Variants in RBM27 observed in about 807,000 individuals in gnomAD.
RBM27 encodes RNA-binding protein 27.
A neutral mutation model predicts 135.3 loss-of-function variants in RBM27; 22 were observed. The observed-to-expected ratio is 0.16, with a 90% CI of 0.12 to 0.23. RBM27 has a LOEUF of 0.23. Among genes scored for constraint, RBM27 ranks in the 10% least tolerant of loss-of-function variants. RBM27 has a pLI of 1.00. For synonymous variants in RBM27, 481 were observed against 442.4 expected, an observed-to-expected ratio of 1.09 and a Z score of -1.10; for missense variants, 1,009 against 1,281.0, an observed-to-expected ratio of 0.79 and a Z score of 3.24.
At chr5:146,279,573 C>T (rs1180277101) in intron 19 of RBM27, among the ~76,000 whole-genome samples, 5 of 151,932 alleles carry the variant, frequency 3.3e-5, no homozygotes, top group Non-Finnish European at 7.4e-5. Flanking sequence ...TTTGGGAGGC[C>T]GAGGCGGGTG....
intron 8 of RBM27, among the ~76,000 whole-genome samples, chr5:146,240,724 T>A (rs1310102134): frequency 6.6e-6 from 1 of 152,222 alleles, no homozygotes; most frequent in East Asian, 1.9e-4. Context: ...TTTTAATATA[T>A]GTAAATCTTA....
chr5:146,220,495 T>C (rs377606109), intron 2 of RBM27, among the ~76,000 whole-genome samples: 1 of 146,126 alleles, frequency 6.8e-6, no homozygotes, highest in Admixed American at 6.9e-5. Flanking sequence ...AAAAAATATA[T>C]ATATATATAT....
rs551949609 is a variant in RBM27 at position 146,230,585 on chromosome 5, A to C, written c.590-72A>C. 1.7e-5 allele frequency: 25 copies of C among 1,476,852 alleles called. 1 individual carries two copies. The highest frequency in any genetic ancestry group is 2.2e-5 in the Non-Finnish European group (24 of 1,084,392). 91.5% of individuals were successfully genotyped at this position (1,476,852 alleles called of 1,614,324 possible). On this transcript the variant is annotated intron_variant, in intron 5 of 20. Coordinates refer to ENST00000265271, the MANE Select transcript of RBM27 (RefSeq NM_018989.2). ...ACATTCTCATGTTTTCTATGTGAGAAAATAAATATAGTTTAAGAACATGAA... is the reference window on the plus strand; with the variant it reads ...ACATTCTCATGTTTTCTATGTGAGACAATAAATATAGTTTAAGAACATGAA...
At chr5:146,284,263 A>G (rs1357209496) in intron 19 of RBM27, among the ~76,000 whole-genome samples, 6 of 152,182 alleles carry the variant, frequency 3.9e-5, no homozygotes, top group Non-Finnish European at 8.8e-5. Flanking sequence ...GTTTGAGTCT[A>G]TATATGTAGA....
At chr5:146,230,997 T>C in intron 6 of RBM27, 80 bp downstream of exon 6, 1 of 1,407,390 alleles carries the variant, frequency 7.1e-7, no homozygotes, top group Non-Finnish European at 9.8e-7. Flanking sequence ...TATCTTTTAG[T>C]TATAGTCCAG....
rs542836835 is a variant in RBM27 at position 146,236,956 on chromosome 5, G to A, written c.1145-342G>A. ...TTTTTTTTTTTTTTTTTTTTTTTTC[G>A]AGACAGAGTTTTGCTTTTGTTGCCC... On this transcript the variant is annotated intron_variant, in intron 7 of 20. Transcript: ENST00000265271. 4.6e-5 allele frequency among the ~76,000 whole-genome samples: 3 copies of A among 65,798 alleles called. No individual in the cohort carries two copies. The South Asian group carries it at 1.6e-3, about 34-fold the overall frequency. The allele number at this position is 65,798 out of a possible 152,430, so 43.2% of individuals were successfully genotyped here.
chr5:146,254,104 C>T (rs1260223078), intron 9 of RBM27, among the ~76,000 whole-genome samples: 2 of 152,088 alleles, frequency 1.3e-5, no homozygotes, highest in Non-Finnish European at 2.9e-5. Flanking sequence ...TGATGGATAA[C>T]AGAGGAAACT....
At chr5:146,259,504 C>CA (rs35438348) in intron 11 of RBM27, among the ~76,000 whole-genome samples, 2,370 of 60,858 alleles carry the variant, frequency 0.039, 39 homozygotes, top group African/African-American at 0.055. Context: ...AACTCTGTCT[C>CA]AAAAAAAAAA....
chr5:146,278,107 T>C (rs953069952), intron 19 of RBM27, among the ~76,000 whole-genome samples: 1 of 152,128 alleles, frequency 6.6e-6, no homozygotes, highest in East Asian at 1.9e-4. Flanking sequence ...TGGATGAGAG[T>C]ACCTATTTGC....
chr5:146,281,490 A>C (rs1270652734), intron 19 of RBM27, among the ~76,000 whole-genome samples: 2 of 152,234 alleles, frequency 1.3e-5, no homozygotes, highest in African/African-American at 4.8e-5. Flanking sequence ...CCACACTGGA[A>C]GAAGAATAAT....
intron 8 of RBM27, among the ~76,000 whole-genome samples, chr5:146,239,380 C>T (rs980493678): frequency 6.6e-5 from 10 of 151,674 alleles, no homozygotes; most frequent in Non-Finnish European, 1.5e-4. Flanking sequence ...CATGAAAGTT[C>T]CTTATGAGAA....
intron 8 of RBM27, among the ~76,000 whole-genome samples, chr5:146,240,458 C>T (rs1757360090): frequency 6.6e-6 from 1 of 152,046 alleles, no homozygotes; most frequent in South Asian, 2.1e-4. Context: ...TCCCAAGTAG[C>T]TGGGATTACA....
rs1757038459 is a variant in RBM27, at chr5:146,233,641, G to C, written c.1042G>C (p.Gly348Arg). The C allele has an allele frequency of 6.4e-7, 1 of 1,573,568 alleles. No homozygotes were observed. The highest frequency in any genetic ancestry group is 1.4e-5 in the African/African-American group (1 of 72,064). Reference sequence around the variant, plus strand: ...AGGCCCAGGCCCGGGCCCAGGTCCAGGCCCAGGCCCGGGCCCAGGTCCAGG... The same window carrying C: ...AGGCCCAGGCCCGGGCCCAGGTCCACGCCCAGGCCCGGGCCCAGGTCCAGG... The part of the protein sequence containing the change: ...GPGPGPGPGP[G>R]PGPGPGPGPG... Residue 348 changes from glycine to arginine, a missense_variant, in exon 7 of 21, where the codon GGC (glycine) becomes CGC (arginine). Gly to Arg is a moderately radical substitution (Grantham distance 125, BLOSUM62 -2). Coordinates refer to ENST00000265271, the MANE Select transcript of RBM27 (RefSeq NM_018989.2).
At chr5:146,224,235 A>G (rs1030238730) in intron 3 of RBM27, among the ~76,000 whole-genome samples, 2 of 152,174 alleles carry the variant, frequency 1.3e-5, no homozygotes, top group Non-Finnish European at 2.9e-5. Context: ...GAGATTATGT[A>G]TGTATGTGTG....
In RBM27 at chr5:146,287,127, G is replaced by GT. The variant is rs1212479070; in HGVS notation, c.*1098dup. On this transcript the variant is annotated 3_prime_UTR_variant, in exon 21 of 21. Coordinates refer to ENST00000265271, the MANE Select transcript of RBM27 (RefSeq NM_018989.2). ...ACCATGATGGTGAGGTGACTGGGGGGTGGGGGGTGGAGGTGGGAGGGGGTT... is the reference window on the plus strand; with the variant it reads ...ACCATGATGGTGAGGTGACTGGGGGGTTGGGGGGTGGAGGTGGGAGGGGGTT... 6.7e-6 allele frequency: 1 copy of GT among 149,348 alleles called. No individual in the cohort carries two copies. Among genetic ancestry groups the GT allele is most frequent in the African/African-American group, 2.5e-5 (1 of 40,438 alleles). 9.3% of individuals were successfully genotyped at this position (149,348 alleles called of 1,614,324 possible).
In RBM27 at chr5:146,289,168, T is replaced by G. The variant is rs1159982218; in HGVS notation, c.*3138T>G. Reference sequence around the variant, plus strand: ...GAAAAAAGATGAAAGTATTACAAATTTAAAAGAATTTGGAAAATTTATGAA... The same window carrying G: ...GAAAAAAGATGAAAGTATTACAAATGTAAAAGAATTTGGAAAATTTATGAA... On this transcript the variant is annotated 3_prime_UTR_variant, in exon 21 of 21. Transcript: ENST00000265271. 6.6e-6 allele frequency: 1 copy of G among 152,052 alleles called. No homozygotes were observed. The highest frequency in any genetic ancestry group is 1.5e-5 in the Non-Finnish European group (1 of 67,942). The allele number at this position is 152,052 out of a possible 1,614,324, so 9.4% of individuals were successfully genotyped here.
At chr5:146,285,470 A>G (rs1759542710) in intron 20 of RBM27, among the ~76,000 whole-genome samples, 1 of 152,144 alleles carries the variant, frequency 6.6e-6, no homozygotes, top group Non-Finnish European at 1.5e-5. Flanking sequence ...TTGCAGATAC[A>G]TCTACTTTGT....
chr5:146,249,127 G>A (rs963640178), intron 8 of RBM27, among the ~76,000 whole-genome samples: 2 of 151,916 alleles, frequency 1.3e-5, no homozygotes, highest in African/African-American at 4.8e-5. Flanking sequence ...GACTACAGCT[G>A]TGCGCCACCA....
chr5:146,277,546 G>A (rs1279834169), intron 19 of RBM27, among the ~76,000 whole-genome samples: 2 of 134,256 alleles, frequency 1.5e-5, no homozygotes, highest in African/African-American at 2.9e-5. Context: ...TTTTTGAGAC[G>A]GAGTCTTGCT....
Sources: gnomAD v4.1 joint callset for allele counts (sites outside exome capture counted in the v4.1 genomes callset) on GRCh38, gnomAD v4.1.1 for gene constraint, MANE v1.5 for transcripts, NCBI Gene and HGNC (gene_info 2026-07-23, HGNC 2026-07-21) for gene names.